UBR1: variants seen among roughly 807,000 people sequenced by gnomAD.
The protein encoded by UBR1 is ubiquitin protein ligase E3 component n-recognin 1.
In UBR1, 102 loss-of-function variants were observed where a neutral mutation model predicts 242.1. The observed-to-expected ratio is 0.42, with a 90% CI of 0.36 to 0.50. UBR1 has a LOEUF of 0.50. UBR1 is among the 20% of genes least tolerant of loss of function. UBR1 has a pLI of 0.01. For missense variants in UBR1, 1,772 were observed against 2,101.8 expected, an observed-to-expected ratio of 0.84 and a Z score of 3.07; for synonymous variants, 675 against 684.8, an observed-to-expected ratio of 0.99 and a Z score of 0.22.
intron 40 of UBR1, among the ~76,000 whole-genome samples, chr15:42,967,457 G>A (rs1456567285): frequency 1.4e-5 from 2 of 147,260 alleles, no homozygotes; most frequent in Non-Finnish European, 1.5e-5. Context: ...AAAGAAATGT[G>A]GAGAAAAAAA....
At chr15:43,089,135 C>T (rs2034075791) in intron 1 of UBR1, among the ~76,000 whole-genome samples, 1 of 150,492 alleles carries the variant, frequency 6.6e-6, no homozygotes, top group Non-Finnish European at 1.5e-5. Context: ...GCACTCCAGC[C>T]TGAGCGACAG....
intron 35 of UBR1, among the ~76,000 whole-genome samples, chr15:42,988,134 TC>T (rs1000361684): frequency 2.6e-5 from 4 of 152,144 alleles, no homozygotes; most frequent in African/African-American, 9.7e-5. Context: ...GACTTTGGTT[TC>T]CCCTCACTTC....
At position 42,971,418 on chromosome 15, in the gene UBR1, A is replaced by G. The variant is rs141864441; in HGVS notation, c.4370-811T>C. ...TACATTAAGGCTCTGGATAAGCTAC[A>G]TAAGTTCTCTGAACTTCAGAAATAT... On this transcript the variant is annotated intron_variant, in intron 39 of 46. Transcript: ENST00000290650. Among the ~76,000 whole-genome samples, 192 of 152,356 alleles carry G rather than the reference A, an allele frequency of 1.3e-3. 2 individuals carry two copies. Among genetic ancestry groups the G allele is most frequent in the African/African-American group, 4.4e-3 (185 of 41,588 alleles).
chr15:43,084,580 C>T (rs1454068473), intron 2 of UBR1, among the ~76,000 whole-genome samples: 3 of 152,172 alleles, frequency 2.0e-5, no homozygotes, highest in Admixed American at 6.5e-5. Flanking sequence ...CTCAGCCTCC[C>T]GAGTAGCTCG....
At chr15:43,073,166 AC>A (rs1191707930) in intron 4 of UBR1, among the ~76,000 whole-genome samples, 3 of 152,302 alleles carry the variant, frequency 2.0e-5, no homozygotes, top group Non-Finnish European at 4.4e-5. Flanking sequence ...AACAAAAAAA[AC>A]AAAAACAAAA....
intron 29 of UBR1, 34 bp downstream of exon 29, chr15:43,015,653 AT>A: frequency 1.2e-6 from 2 of 1,607,096 alleles, no homozygotes; most frequent in Non-Finnish European, 8.5e-7. Context: ...AAAAAAAAAA[AT>A]TGAGTTGGTA....
intron 1 of UBR1, among the ~76,000 whole-genome samples, chr15:43,089,046 C>G (rs1053070431): frequency 2.0e-5 from 3 of 151,768 alleles, no homozygotes; most frequent in African/African-American, 4.8e-5. Flanking sequence ...CCTGTAATCC[C>G]AGCTACTCAG....
rs1487748261 is a variant in UBR1 at position 42,988,267 on chromosome 15, ATATGTGTGTGTG to A, written c.3997+540_3997+551del. On this transcript the variant is annotated intron_variant, in intron 35 of 46. Coordinates refer to ENST00000290650, the MANE Select transcript of UBR1 (RefSeq NM_174916.3). ...CCTTTAATATAGATACTAAAGGAATATATGTGTGTGTGTGTGTGTGTGTGTGAACACACACAC... is the reference window on the plus strand; with the variant it reads ...CCTTTAATATAGATACTAAAGGAATATGTGTGTGTGTGTGAACACACACAC... Among the ~76,000 whole-genome samples the A allele has an allele frequency of 7.0e-5, 8 of 113,626 alleles. No individual in the cohort carries two copies. The Admixed American group carries it at 7.4e-4, about 11-fold the overall frequency. 74.5% of individuals were successfully genotyped at this position (113,626 alleles called of 152,430 possible). A position where few individuals can be genotyped will look rare whatever the true frequency, so the allele number is the denominator to read the frequency against.
intron 24 of UBR1, 119 bp from the exon 25 acceptor site, chr15:43,025,102 G>T (rs2141305657): frequency 7.8e-7 from 1 of 1,285,564 alleles, no homozygotes; most frequent in Non-Finnish European, 1.1e-6. Context: ...AACAACACAT[G>T]CTTTTTTGCT....
Position 42,944,474 on chromosome 15 carries a change from G to A in UBR1, c.*855C>T, listed in dbSNP as rs181903945. Reference sequence around the variant, plus strand: ...ACAGTTGTCATGATCCACTCATTGCGAGAATTTTCTCATCTTCATTCTACA... The same window carrying A: ...ACAGTTGTCATGATCCACTCATTGCAAGAATTTTCTCATCTTCATTCTACA... On this transcript the variant is annotated 3_prime_UTR_variant, in exon 47 of 47. Coordinates refer to ENST00000290650, the MANE Select transcript of UBR1 (RefSeq NM_174916.3). The A allele has an allele frequency of 6.1e-4, 93 of 152,296 alleles. No individual in the cohort carries two copies. Among genetic ancestry groups the A allele is most frequent in the African/African-American group, 2.0e-3 (85 of 41,542 alleles). 9.4% of individuals were successfully genotyped at this position (152,296 alleles called of 1,614,324 possible).
intron 1 of UBR1, among the ~76,000 whole-genome samples, chr15:43,092,544 T>C (rs10048057): frequency 0.027 from 4,120 of 152,266 alleles, 206 homozygotes; most frequent in African/African-American, 0.095. Context: ...AAGCCTTCTA[T>C]AACTTTGTGT....
chr15:43,048,705 C>T (rs2033516339), intron 12 of UBR1, among the ~76,000 whole-genome samples: 1 of 152,156 alleles, frequency 6.6e-6, no homozygotes, highest in South Asian at 2.1e-4. Context: ...AGATATCAAG[C>T]TAAACCTGAC....
At chr15:42,966,321 C>T (rs1465436534) in intron 40 of UBR1, 35 bp from the exon 41 acceptor site, 2 of 1,613,340 alleles carry the variant, frequency 1.2e-6, no homozygotes, top group East Asian at 4.5e-5. Flanking sequence ...GAACAGAATA[C>T]ATATCAGACT....
intron 33 of UBR1, among the ~76,000 whole-genome samples, chr15:42,991,817 T>C (rs2032561502): frequency 6.6e-6 from 1 of 152,120 alleles, no homozygotes; most frequent in East Asian, 1.9e-4. Context: ...TATAGCTCAC[T>C]GTAACTTCAA....
At chr15:42,965,948 G>A (rs1311388592) in intron 41 of UBR1, among the ~76,000 whole-genome samples, 1 of 152,230 alleles carries the variant, frequency 6.6e-6, no homozygotes, top group East Asian at 1.9e-4. Context: ...GGAGCGAAGA[G>A]TAGGTCTTGC....
At chr15:42,982,764 C>T (rs2032396620) in intron 37 of UBR1, among the ~76,000 whole-genome samples, 1 of 152,126 alleles carries the variant, frequency 6.6e-6, no homozygotes, top group Non-Finnish European at 1.5e-5. Flanking sequence ...AGTTCAGCTA[C>T]AAGAAAATTA....
In UBR1 at chr15:42,993,049, T is replaced by C. The variant is rs528799611; in HGVS notation, c.3758-2929A>G. ...GGAGAAGACCAGAGGAAAAATAAAA[T>C]AAACACACTCCTTTTATATTCTGGC... On this transcript the variant is annotated intron_variant, in intron 33 of 46. Transcript: ENST00000290650. Among the ~76,000 whole-genome samples the C allele has an allele frequency of 4.6e-5, 7 of 152,254 alleles. No individual in the cohort carries two copies. In the South Asian group the frequency reaches 8.3e-4, roughly 18 times the overall value.
At chr15:42,994,887 C>T (rs1264187811) in intron 33 of UBR1, among the ~76,000 whole-genome samples, 1 of 152,194 alleles carries the variant, frequency 6.6e-6, no homozygotes, top group Non-Finnish European at 1.5e-5. Context: ...ATCTGCGGCA[C>T]CACTCCCACA....
chr15:43,083,528 G>A (rs1330253549), intron 2 of UBR1, among the ~76,000 whole-genome samples: 2 of 151,840 alleles, frequency 1.3e-5, no homozygotes, highest in Non-Finnish European at 2.9e-5. Context: ...TTACAGGCAT[G>A]CGCCACCACG....
Sources: gnomAD v4.1 joint callset for allele counts (sites outside exome capture counted in the v4.1 genomes callset) on GRCh38, gnomAD v4.1.1 for gene constraint, MANE v1.5 for transcripts, NCBI Gene and HGNC (gene_info 2026-07-23, HGNC 2026-07-21) for gene names.